SRGAP3: variants seen among roughly 807,000 people sequenced by gnomAD.
The protein encoded by SRGAP3 is SLIT-ROBO Rho GTPase activating protein 3, also known as SLIT-ROBO Rho GTPase-activating protein 3.
In SRGAP3, 39 loss-of-function variants were observed where a neutral mutation model predicts 121.1. The ratio of observed to expected loss-of-function variants is 0.32; its 90% CI spans 0.25 to 0.42. The LOEUF is 0.42. Among genes scored for constraint, SRGAP3 ranks in the 10% least tolerant of loss-of-function variants. The probability of loss-of-function intolerance (pLI) is 1.00; values close to 1 mark genes in which losing one functional copy is unlikely to be tolerated. For synonymous variants in SRGAP3, 601 were observed against 570.0 expected, an observed-to-expected ratio of 1.05 and a Z score of -0.77; for missense variants, 1,213 against 1,470.6, an observed-to-expected ratio of 0.82 and a Z score of 2.86.
At chr3:9,288,130 G>GTTTTTTTTTT (rs57076828) in intron 3 of SRGAP3, among the ~76,000 whole-genome samples, 2 of 119,100 alleles carry the variant, frequency 1.7e-5, no homozygotes, top group Admixed American at 9.5e-5. Flanking sequence ...TTCTATCTTT[G>GTTTTTTTTTT]TTTTTTTTTT....
chr3:8,995,078 C>T (rs751985566), intron 18 of SRGAP3, among the ~76,000 whole-genome samples: 7 of 152,100 alleles, frequency 4.6e-5, no homozygotes, highest in African/African-American at 1.4e-4. Flanking sequence ...TCACCCACAA[C>T]GTGACTGTAT....
At chr3:9,023,307 G>A (rs59721007) in intron 14 of SRGAP3, among the ~76,000 whole-genome samples, 12,506 of 152,260 alleles carry the variant, frequency 0.082, 1,343 homozygotes, top group African/African-American at 0.25. Context: ...GGAAAATGAA[G>A]AAACAACATT....
intron 1 of SRGAP3, among the ~76,000 whole-genome samples, chr3:9,128,241 AT>A (rs1949314418): frequency 6.6e-6 from 1 of 152,342 alleles, no homozygotes; most frequent in Non-Finnish European, 1.5e-5. Flanking sequence ...TGCTTTAATG[AT>A]TTATCAAATG....
chr3:9,148,893 G>A (rs930533643), intron 1 of SRGAP3, among the ~76,000 whole-genome samples: 5 of 152,194 alleles, frequency 3.3e-5, no homozygotes, highest in African/African-American at 1.2e-4. Context: ...GAGTTGAGCA[G>A]CATCAACATC....
At chr3:8,991,340 C>G (rs186356314) in intron 20 of SRGAP3, among the ~76,000 whole-genome samples, 5 of 152,294 alleles carry the variant, frequency 3.3e-5, no homozygotes, top group African/African-American at 9.6e-5. Flanking sequence ...CGTTGCCACC[C>G]AACCCCCAAT....
At chr3:9,318,205 A>G (rs1955380565) in intron 3 of SRGAP3, among the ~76,000 whole-genome samples, 1 of 149,398 alleles carries the variant, frequency 6.7e-6, no homozygotes, top group South Asian at 2.1e-4. Context: ...AGACAATTTC[A>G]TCACCTTGTC....
At position 9,053,065 on chromosome 3, in the gene SRGAP3, T is replaced by C; in HGVS notation, c.1285A>G (p.Arg429Gly). ...ATTTCTGTTTCCTGCTGGTTGGCTC[T>C]CCTCTTGGCAATGTTGATCTTGCTC... Reference protein sequence around the residue: ...YMSKINIAKRRANQQETEMFY... With the variant: ...YMSKINIAKRGANQQETEMFY... Residue 429 changes from arginine (R) to glycine (G), a missense_variant, in exon 9 of 22, where the codon AGA (arginine) becomes GGA (glycine). By Grantham distance (125) the Arg-to-Gly change is moderately radical. Transcript: ENST00000383836. 6.2e-7 allele frequency: 1 copy of C among 1,614,182 alleles called. No homozygotes were observed. The highest frequency in any genetic ancestry group is 1.3e-5 in the African/African-American group (1 of 75,062).
At chr3:9,016,770 G>A (rs2126880) in intron 14 of SRGAP3, among the ~76,000 whole-genome samples, 11 of 152,112 alleles carry the variant, frequency 7.2e-5, no homozygotes, top group African/African-American at 1.4e-4. Context: ...GTTGCAAAAC[G>A]GTGACTTTCT....
At chr3:9,063,341 C>G (rs1459914546) in intron 5 of SRGAP3, among the ~76,000 whole-genome samples, 1 of 151,972 alleles carries the variant, frequency 6.6e-6, no homozygotes, top group Admixed American at 6.6e-5. Flanking sequence ...GTTGCCCAAC[C>G]TGGTCTCGAA....
intron 1 of SRGAP3, among the ~76,000 whole-genome samples, chr3:9,134,422 C>T (rs1194909572): frequency 6.6e-6 from 1 of 152,140 alleles, no homozygotes; most frequent in Non-Finnish European, 1.5e-5. Flanking sequence ...TAAAGATGAA[C>T]CACCTGGTAT....
chr3:9,291,826 C>T (rs761325244), intron 3 of SRGAP3, among the ~76,000 whole-genome samples: 1 of 151,972 alleles, frequency 6.6e-6, no homozygotes, highest in Non-Finnish European at 1.5e-5. Flanking sequence ...AAATTAGTTT[C>T]ACTTGCCAAA....
intron 1 of SRGAP3, among the ~76,000 whole-genome samples, chr3:9,346,819 G>C (rs539808172): frequency 6.7e-6 from 1 of 148,774 alleles, no homozygotes; most frequent in Non-Finnish European, 1.5e-5. Context: ...GCAATGGCGC[G>C]ATCCTGGCTC....
At chr3:9,321,143 G>T in intron 3 of SRGAP3, among the ~76,000 whole-genome samples, 1 of 151,798 alleles carries the variant, frequency 6.6e-6, no homozygotes, top group East Asian at 1.9e-4. Context: ...ACACATGTGG[G>T]TGTTCAGACA....
At chr3:9,242,448 A>C (rs994344328) in intron 1 of SRGAP3, among the ~76,000 whole-genome samples, 4 of 152,172 alleles carry the variant, frequency 2.6e-5, no homozygotes, top group Non-Finnish European at 5.9e-5. Flanking sequence ...CAGCCTGGGC[A>C]ACATGGTGAA....
At chr3:9,054,219 T>C (rs993748173) in intron 8 of SRGAP3, among the ~76,000 whole-genome samples, 1 of 152,214 alleles carries the variant, frequency 6.6e-6, no homozygotes, top group Non-Finnish European at 1.5e-5. Flanking sequence ...CAGGCCATGA[T>C]GGGAAGGGGG....
intron 1 of SRGAP3, among the ~76,000 whole-genome samples, chr3:9,184,341 T>C (rs902446400): frequency 1.3e-5 from 2 of 152,206 alleles, no homozygotes; most frequent in Non-Finnish European, 2.9e-5. Context: ...TGCATCAGAC[T>C]GAATTTGAAT....
At chr3:9,089,735 T>A (rs1302744866) in intron 3 of SRGAP3, among the ~76,000 whole-genome samples, 3 of 152,186 alleles carry the variant, frequency 2.0e-5, no homozygotes, top group African/African-American at 7.2e-5. Context: ...GAGATGTTGG[T>A]GGAACAGGCT....
chr3:9,344,650 AAAAAG>A (rs1217747684), intron 1 of SRGAP3, among the ~76,000 whole-genome samples: 5 of 152,038 alleles, frequency 3.3e-5, no homozygotes, highest in East Asian at 1.9e-4. Flanking sequence ...AAAAACAAAA[AAAAAG>A]AAAGAAAGAA....
chr3:9,193,288 A>T (rs1006331034), intron 1 of SRGAP3: 2 of 152,310 alleles, frequency 1.3e-5, no homozygotes, highest in Non-Finnish European at 2.9e-5. Flanking sequence ...TTCAGGAACC[A>T]TCCGATTGCT....
Sources: gnomAD v4.1 joint callset for allele counts (sites outside exome capture counted in the v4.1 genomes callset) on GRCh38, gnomAD v4.1.1 for gene constraint, MANE v1.5 for transcripts, NCBI Gene and HGNC (gene_info 2026-07-23, HGNC 2026-07-21) for gene names.